CLSTN1: variants seen among roughly 807,000 people sequenced by gnomAD.
The protein encoded by CLSTN1 is calsyntenin 1.
Under a neutral mutation model 108.3 loss-of-function variants are expected in CLSTN1, and 28 were observed. That is an observed-to-expected ratio of 0.26 (90% confidence interval 0.19 to 0.35). CLSTN1 has a LOEUF of 0.35. CLSTN1 is among the 10% of genes least tolerant of loss of function. The pLI is 1.00. For synonymous variants in CLSTN1, 524 were observed against 534.9 expected, an observed-to-expected ratio of 0.98 and a Z score of 0.28; for missense variants, 1,157 against 1,302.6, an observed-to-expected ratio of 0.89 and a Z score of 1.72.
At chr1:9,766,912 T>C (rs1387194298) in intron 2 of CLSTN1, among the ~76,000 whole-genome samples, 1 of 152,222 alleles carries the variant, frequency 6.6e-6, no homozygotes, top group Non-Finnish European at 1.5e-5. Context: ...GCTCCCAGCA[T>C]TGCATGTGCA....
Position 9,767,681 on chromosome 1 carries a change from G to A in CLSTN1, c.214+5591C>T, listed in dbSNP as rs375535656. 2.6e-5 allele frequency among the ~76,000 whole-genome samples: 4 copies of A among 152,098 alleles called. No homozygotes were observed. In the East Asian group the frequency reaches 5.8e-4, roughly 22 times the overall value. On this transcript the variant is annotated intron_variant, in intron 2 of 18. Transcript: ENST00000377298. ...CATCACCACCCTCCTCCTCAACATG[G>A]TGCGAAATTAAACTCAATGTCATCA...
chr1:9,795,023 AAAAAAAAAAAG>A (rs1653927878), intron 1 of CLSTN1, among the ~76,000 whole-genome samples: 1 of 99,640 alleles, frequency 1.0e-5, no homozygotes, highest in South Asian at 3.4e-4. Flanking sequence ...GCTAATCAGA[AAAAAAAAAAAG>A]AAAAAAAATC....
Position 9,731,280 on chromosome 1 carries a change from C to A in CLSTN1, c.2674G>T (p.Asp892Tyr). 2.5e-6 allele frequency: 4 copies of A among 1,614,262 alleles called. No homozygotes were observed. The highest frequency in any genetic ancestry group is 2.5e-6 in the Non-Finnish European group (3 of 1,180,054). Residue 892 changes from aspartate to tyrosine, a missense_variant, in exon 18 of 19, where the codon GAT (aspartate) becomes TAT (tyrosine). Transcript: ENST00000377298. The part of the protein sequence containing the change: ...IRAAHRRTMR[D>Y]QDTGKENEMD... ...TCGTTCTCCTTCCCGGTGTCCTGAT[C>A]CCGCATGGTCCGCCGATGTGCGGCC...
intron 2 of CLSTN1, among the ~76,000 whole-genome samples, chr1:9,758,013 G>A (rs1201094547): frequency 6.6e-6 from 1 of 151,300 alleles, no homozygotes; most frequent in Non-Finnish European, 1.5e-5. Context: ...TTGGGGGGGG[G>A]TGGGAACGGA....
Position 9,788,880 on chromosome 1 carries a change from A to C in CLSTN1, c.92-15486T>G, listed in dbSNP as rs903071707. On this transcript the variant is annotated intron_variant, in intron 1 of 18. Transcript: ENST00000377298. Reference sequence around the variant, plus strand: ...GAGACTCCGTCTCAAAAAAAAAAAAAAAAAAAAACAAAAGGAATTTGACTA... The same window carrying C: ...GAGACTCCGTCTCAAAAAAAAAAAACAAAAAAAACAAAAGGAATTTGACTA... 7.9e-5 allele frequency among the ~76,000 whole-genome samples: 12 copies of C among 151,234 alleles called. No homozygotes were observed. In the South Asian group the frequency reaches 1.1e-3, roughly 14 times the overall value.
At chr1:9,751,402 C>T in intron 5 of CLSTN1, 71 bp downstream of exon 5, 1 of 1,440,214 alleles carries the variant, frequency 6.9e-7, no homozygotes, top group Non-Finnish European at 9.7e-7. Flanking sequence ...AGCACAGAAG[C>T]TGGGGTGTAA....
chr1:9,736,072 A>G, intron 11 of CLSTN1, 30 bp from the exon 12 acceptor site: 1 of 1,613,858 alleles, frequency 6.2e-7, no homozygotes, highest in African/African-American at 1.3e-5. Flanking sequence ...AGGCGAAGTC[A>G]GGCGTGCAAC....
At position 9,788,007 on chromosome 1, in the gene CLSTN1, C is replaced by G. The variant is rs1653575105; in HGVS notation, c.92-14613G>C. 1.3e-5 allele frequency among the ~76,000 whole-genome samples: 2 copies of G among 151,400 alleles called. 1 individual carries two copies. Among genetic ancestry groups the G allele is most frequent in the South Asian group, 4.3e-4 (2 of 4,604 alleles). ...TGGTGGCTCAAACCTGTAATCCCAGCACTTTAGGAAGCTGAGGAAGGTGGA... is the reference window on the plus strand; with the variant it reads ...TGGTGGCTCAAACCTGTAATCCCAGGACTTTAGGAAGCTGAGGAAGGTGGA... On this transcript the variant is annotated intron_variant, in intron 1 of 18. Transcript: ENST00000377298.
At position 9,823,605 on chromosome 1, in the gene CLSTN1, G is replaced by A; in HGVS notation, c.91+38C>T. On this transcript the variant is annotated intron_variant, in intron 1 of 18. Transcript: ENST00000377298. The surrounding 1 kb of genome is among the most constrained non-coding windows in gnomAD (Gnocchi z 6.3). ...AATCCTGCACCCGGACCCGAATCCC[G>A]CACCGACCCAGCGGCCCGGCCCAGC... The A allele has an allele frequency of 1.7e-6, 2 of 1,166,608 alleles. No homozygotes were observed. The highest frequency in any genetic ancestry group is 4.6e-5 in the Admixed American group (1 of 21,788). 72.3% of individuals were successfully genotyped at this position (1,166,608 alleles called of 1,614,324 possible).
chr1:9,751,970 G>GT (rs911827044), intron 4 of CLSTN1, among the ~76,000 whole-genome samples: 82 of 151,000 alleles, frequency 5.4e-4, no homozygotes, highest in African/African-American at 1.3e-3. Context: ...AGACTTGGGT[G>GT]TTTTTTTTTG....
chr1:9,753,838 G>T (rs1019322484), intron 4 of CLSTN1, among the ~76,000 whole-genome samples: 1 of 150,682 alleles, frequency 6.6e-6, no homozygotes. Context: ...TTAGGGACAG[G>T]GTCTCATTCT....
At position 9,743,932 on chromosome 1, in the gene CLSTN1, A is replaced by G; in HGVS notation, c.1308T>C (p.Ser436=). 5.0e-6 allele frequency: 8 copies of G among 1,614,112 alleles called. No homozygotes were observed. Among genetic ancestry groups the G allele is most frequent in the Non-Finnish European group, 6.8e-6 (8 of 1,180,004 alleles). ...RLIFLFRQDP[S]EEKKYRPAEF... is the part of the protein sequence containing the mutation. ...CTGCAGGTCTGTATTTCTTCTCCTC[A>G]GAAGGATCCTGACGGAAGAGGAAGA... Residue 436 remains serine, a synonymous_variant, in exon 9 of 19, where the codon TCT becomes TCC. Transcript: ENST00000377298.
chr1:9,786,648 C>CA (rs36003203), intron 1 of CLSTN1, among the ~76,000 whole-genome samples: 4,322 of 36,030 alleles, frequency 0.12, 599 homozygotes, highest in African/African-American at 0.2. Context: ...GACTCCGTCT[C>CA]AAAAAAAAAA....
intron 1 of CLSTN1, among the ~76,000 whole-genome samples, chr1:9,812,596 C>T (rs1654805212): frequency 6.6e-6 from 1 of 152,158 alleles, no homozygotes; most frequent in Non-Finnish European, 1.5e-5. Context: ...CCTGTAATCC[C>T]AGCACTTTGG....
chr1:9,731,527 C>A (rs1393609628), intron 17 of CLSTN1, 137 bp from the exon 18 acceptor site: 3 of 1,055,056 alleles, frequency 2.8e-6, no homozygotes, highest in African/African-American at 1.6e-5. Context: ...GGAGGAAATA[C>A]CAGGAAAAGC....
At position 9,773,255 on chromosome 1, in the gene CLSTN1, GA is replaced by G; in HGVS notation, c.214+16del. ...CAGGCCCGATTCATCAAGAGTCAAT[GA>G]AAGCCCCGTTCCTACCTGCAAATCG... On this transcript the variant is annotated intron_variant, in intron 2 of 18. Coordinates refer to ENST00000377298, the MANE Select transcript of CLSTN1 (RefSeq NM_001009566.3). 1 of 1,613,562 alleles carries G rather than the reference GA, an allele frequency of 6.2e-7. No homozygotes were observed. Among genetic ancestry groups the G allele is most frequent in the Non-Finnish European group, 8.5e-7 (1 of 1,179,712 alleles).
chr1:9,735,127 T>C lies in CLSTN1; in HGVS notation c.1931A>G (p.Tyr644Cys). Residue 644 changes from tyrosine (Y) to cysteine (C), a missense_variant, in exon 14 of 19, where the codon TAC becomes TGC. Tyr to Cys is a radical substitution (Grantham distance 194). Coordinates refer to ENST00000377298, the MANE Select transcript of CLSTN1 (RefSeq NM_001009566.3). ...TCISVPPVDG[Y>C]VMVLQPEEPK... ...CTCCTCGGGCTGTAAAACCATCACG[T>C]AGCCATCTACCGGGGGGACCGAAAT... The C allele has an allele frequency of 6.2e-7, 1 of 1,614,196 alleles. No homozygotes were observed. The highest frequency in any genetic ancestry group is 8.5e-7 in the Non-Finnish European group (1 of 1,180,032).
chr1:9,782,679 G>A (rs1406347609), intron 1 of CLSTN1, among the ~76,000 whole-genome samples: 2 of 152,162 alleles, frequency 1.3e-5, no homozygotes, highest in Non-Finnish European at 2.9e-5. Flanking sequence ...AAGCTATGCT[G>A]CCCCAGCACA....
At chr1:9,821,555 G>A (rs556996811) in intron 1 of CLSTN1, among the ~76,000 whole-genome samples, 1 of 152,250 alleles carries the variant, frequency 6.6e-6, no homozygotes, top group East Asian at 1.9e-4. Flanking sequence ...CAGTCTGTAC[G>A]TAATCTAACA....
Sources: allele counts gnomAD v4.1 joint callset (sites outside exome capture counted in the v4.1 genomes callset), GRCh38; gene constraint gnomAD v4.1.1; non-coding constraint Gnocchi (gnomAD v3.1); transcripts MANE v1.5; gene names NCBI Gene and HGNC (gene_info 2026-07-23, HGNC 2026-07-21).